The following GPC5 variants were observed in gnomAD, a reference collection of about 807,000 sequenced individuals.
GPC5 encodes glypican 5.
A neutral mutation model predicts 53.9 loss-of-function variants in GPC5; 47 were observed. The observed-to-expected ratio is 0.87, with a 90% CI of 0.69 to 1.11. GPC5 has a LOEUF of 1.11. Ranked by LOEUF, GPC5 falls within the 50% of genes most tolerant of loss-of-function variation. The pLI is 0.00. For missense variants in GPC5, 748 were observed against 713.1 expected (o/e 1.05, Z -0.56); for synonymous variants, 286 against 263.3 (o/e 1.09, Z -0.84).
intron 7 of GPC5, among the ~76,000 whole-genome samples, chr13:92,678,132 C>A (rs1887006572): frequency 2.6e-5 from 4 of 152,074 alleles, no homozygotes; most frequent in Admixed American, 2.6e-4. Flanking sequence ...AACAAATGTT[C>A]AATGTATGTT....
intron 7 of GPC5, among the ~76,000 whole-genome samples, chr13:92,683,057 A>T (rs1887155371): frequency 1.3e-5 from 2 of 152,162 alleles, no homozygotes; most frequent in African/African-American, 4.8e-5. Flanking sequence ...GGGAGTGTTG[A>T]CTGACACTGC....
intron 6 of GPC5, among the ~76,000 whole-genome samples, chr13:92,113,471 C>T (rs2041574561): frequency 6.6e-6 from 1 of 152,122 alleles, no homozygotes; most frequent in Non-Finnish European, 1.5e-5. Context: ...CTTGACTTTC[C>T]TCTGTCAGTC....
chr13:92,757,381 G>A (rs1874930642), intron 7 of GPC5, among the ~76,000 whole-genome samples: 2 of 152,224 alleles, frequency 1.3e-5, no homozygotes, highest in East Asian at 3.9e-4. Flanking sequence ...AAAAACCATG[G>A]AAGAAAACCT....
At chr13:92,053,198 T>G (rs2041044911) in intron 6 of GPC5, among the ~76,000 whole-genome samples, 1 of 152,204 alleles carries the variant, frequency 6.6e-6, no homozygotes, top group African/African-American at 2.4e-5. Flanking sequence ...TGAATAAAGT[T>G]TCAATTCAGG....
chr13:92,530,830 T>A (rs140023904), intron 7 of GPC5, among the ~76,000 whole-genome samples: 13 of 152,308 alleles, frequency 8.5e-5, no homozygotes, highest in Middle Eastern at 6.8e-3. Flanking sequence ...AGGTTCTTAC[T>A]CTTTCTAATT....
chr13:91,876,241 G>A (rs1004437320), intron 5 of GPC5, among the ~76,000 whole-genome samples: 3 of 152,158 alleles, frequency 2.0e-5, no homozygotes, highest in Admixed American at 2.0e-4. Flanking sequence ...TACCAATAGA[G>A]TGGGGCATTG....
chr13:92,206,251 C>T (rs867930258), intron 7 of GPC5, among the ~76,000 whole-genome samples: 7 of 148,830 alleles, frequency 4.7e-5, no homozygotes, highest in Non-Finnish European at 7.4e-5. Flanking sequence ...CTGCAAGCTC[C>T]GCCTCCCGGG....
chr13:92,824,000 T>G (rs943873076), intron 7 of GPC5, among the ~76,000 whole-genome samples: 5 of 152,084 alleles, frequency 3.3e-5, no homozygotes, highest in Non-Finnish European at 7.4e-5. Flanking sequence ...TATTTAGTCA[T>G]CCCATCCTAC....
In GPC5 at chr13:91,867,620, T is replaced by C. The variant is rs77148113; in HGVS notation, c.1281-40317T>C. On this transcript the variant is annotated intron_variant, in intron 5 of 7. Coordinates refer to ENST00000377067, the MANE Select transcript of GPC5 (RefSeq NM_004466.6). ...TATCACAAAAAGACAATGCTTTCAG[T>C]TTCCTTGTGATTTAATCAAATGTTA... 8.2e-3 allele frequency among the ~76,000 whole-genome samples: 1,246 copies of C among 152,350 alleles called. 18 individuals are homozygous for C. Among genetic ancestry groups the C allele is most frequent in the African/African-American group, 0.021 (859 of 41,582 alleles).
chr13:92,254,631 A>G lies in GPC5; in HGVS notation c.1561+109642A>G, dbSNP rs553055288. ...CAAGACTGAGTAATTTATAAAGGAA[A>G]GAGGTTTAATTGACTCACAGTTCCA... On this transcript the variant is annotated intron_variant, in intron 7 of 7. Coordinates refer to ENST00000377067, the MANE Select transcript of GPC5 (RefSeq NM_004466.6). Among the ~76,000 whole-genome samples, 11 of 152,302 alleles carry G rather than the reference A, an allele frequency of 7.2e-5. No individual in the cohort carries two copies. In the South Asian group the frequency reaches 2.1e-3, roughly 29 times the overall value.
intron 5 of GPC5, among the ~76,000 whole-genome samples, chr13:91,787,149 A>G (rs2037892801): frequency 6.6e-6 from 1 of 152,128 alleles, no homozygotes; most frequent in African/African-American, 2.4e-5. Context: ...GTAAATAAAG[A>G]CAGTTTTGCA....
At chr13:91,498,152 C>T (rs576084683) in intron 2 of GPC5, among the ~76,000 whole-genome samples, 1 of 151,564 alleles carries the variant, frequency 6.6e-6, no homozygotes, top group South Asian at 2.1e-4. Flanking sequence ...CCGCCACACA[C>T]ACACGCCTGG....
At chr13:91,586,955 A>G (rs1034288803) in intron 2 of GPC5, among the ~76,000 whole-genome samples, 1 of 152,140 alleles carries the variant, frequency 6.6e-6, no homozygotes, top group African/African-American at 2.4e-5. Context: ...TATATTAGAC[A>G]TGTAGGAAGA....
chr13:92,373,946 G>A (rs1329851937), intron 7 of GPC5, among the ~76,000 whole-genome samples: 1 of 152,078 alleles, frequency 6.6e-6, no homozygotes, highest in Non-Finnish European at 1.5e-5. Flanking sequence ...GCTAGATGTA[G>A]TTACTAAAAT....
At chr13:92,517,659 C>A (rs1406993037) in intron 7 of GPC5, among the ~76,000 whole-genome samples, 2 of 152,126 alleles carry the variant, frequency 1.3e-5, no homozygotes. Context: ...GAAAGGACAT[C>A]CACACCAAAA....
At chr13:92,486,926 G>A (rs1047818863) in intron 7 of GPC5, among the ~76,000 whole-genome samples, 2 of 151,922 alleles carry the variant, frequency 1.3e-5, no homozygotes, top group African/African-American at 4.8e-5. Flanking sequence ...CGTTATCTCG[G>A]CTCACTGTAA....
chr13:91,635,831 G>T (rs970497280), intron 2 of GPC5, among the ~76,000 whole-genome samples: 3 of 152,074 alleles, frequency 2.0e-5, no homozygotes, highest in African/African-American at 7.2e-5. Flanking sequence ...ACTCCCTTGG[G>T]ATTTTATTGA....
intron 7 of GPC5, among the ~76,000 whole-genome samples, chr13:92,382,286 G>T (rs1056742528): frequency 3.9e-5 from 6 of 151,936 alleles, no homozygotes; most frequent in African/African-American, 9.7e-5. Context: ...CTCCGGTGAT[G>T]GGTGCGCCAA....
intron 2 of GPC5, among the ~76,000 whole-genome samples, chr13:91,610,193 T>C (rs2033505057): frequency 6.6e-6 from 1 of 152,232 alleles, no homozygotes; most frequent in African/African-American, 2.4e-5. Flanking sequence ...GAATGCATTA[T>C]AAAATGTTTA....
Sources: gnomAD v4.1 joint callset for allele counts (sites outside exome capture counted in the v4.1 genomes callset) on GRCh38, gnomAD v4.1.1 for gene constraint, MANE v1.5 for transcripts, NCBI Gene and HGNC (gene_info 2026-07-23, HGNC 2026-07-21) for gene names.